GLYATL1: variants seen among roughly 807,000 people sequenced by gnomAD.
GLYATL1 encodes glycine N-acyltransferase-like protein 1.
A neutral mutation model predicts 20.0 loss-of-function variants in GLYATL1; 15 were observed. That is an observed-to-expected ratio of 0.75 (90% CI 0.50 to 1.15). GLYATL1 has a LOEUF of 1.15. GLYATL1 is among the 50% of genes most tolerant of loss of function. The pLI is 0.00. For synonymous variants in GLYATL1, 151 were observed against 131.5 expected (o/e 1.15, Z -1.01); for missense variants, 380 against 368.5 (o/e 1.03, Z -0.26).
At chr11:58,915,590 C>G (rs973204671) in intron 1 of GLYATL1, among the ~76,000 whole-genome samples, 1 of 152,204 alleles carries the variant, frequency 6.6e-6, no homozygotes, top group African/African-American at 2.4e-5. Context: ...AATCTGAAGA[C>G]TCACCTCAGA....
chr11:58,955,606 A>G lies in GLYATL1; in HGVS notation c.492-4A>G, dbSNP rs199698079. On this transcript the variant is annotated splice_polypyrimidine_tract_variant and splice_region_variant and intron_variant, in intron 6 of 6. Transcript: ENST00000532726. ...GTTGTTGTCTTTCTTTTTGTTGTCT[A>G]CAGTGAAACTCCCAACTTTAAGTAT... The G allele has an allele frequency of 3.7e-6, 6 of 1,612,314 alleles. No homozygotes were observed. In the East Asian group the frequency reaches 1.3e-4, roughly 36 times the overall value.
exon 2 of GLYATL1, chr11:58,907,324 CT>C: frequency 2.2e-6 from 1 of 456,296 alleles, no homozygotes; most frequent in South Asian, 1.5e-5. Context: ...TTCCAATTGT[CT>C]TTGTCTTGCT....
At chr11:58,947,717 C>T in intron 3 of GLYATL1, 141 bp from the exon 4 acceptor site, 2 of 652,234 alleles carry the variant, frequency 3.1e-6, no homozygotes, top group South Asian at 1.7e-5. Context: ...TGGTCCTCTC[C>T]AGGACCATAC....
chr11:58,911,515 A>G (rs1378622224), downstream of GLYATL1, among the ~76,000 whole-genome samples: 1 of 152,214 alleles, frequency 6.6e-6, no homozygotes, highest in Non-Finnish European at 1.5e-5. Flanking sequence ...TTTCATTCTC[A>G]TAGGTATGTA....
Position 58,905,600 on chromosome 11 carries a change from T to G in GLYATL1, n.177T>G, listed in dbSNP as rs1426972698. On this transcript the variant is annotated non_coding_transcript_exon_variant, in exon 1 of 2. Transcript: ENST00000524629. ...CGCGCAACCCCTCCTTGGCTTCCAC[T>G]GGGAGACAGGGGACGCCGATGAGCA... The G allele has an allele frequency of 8.8e-6, 4 of 456,226 alleles. No individual in the cohort carries two copies. In the Admixed American group the frequency reaches 9.4e-5, roughly 11 times the overall value. The allele number at this position is 456,226 out of a possible 1,614,324, so 28.3% of individuals were successfully genotyped here.
upstream of GLYATL1, among the ~76,000 whole-genome samples, chr11:58,937,986 G>T (rs933355633): frequency 2.0e-5 from 3 of 152,190 alleles, no homozygotes; most frequent in Non-Finnish European, 2.9e-5. Flanking sequence ...GGGTTCAAAG[G>T]TGGCCAAATC....
chr11:58,955,165 T>G lies in GLYATL1; in HGVS notation c.314-11T>G. 1 of 1,610,396 alleles carries G rather than the reference T, an allele frequency of 6.2e-7. No individual in the cohort carries two copies. The highest frequency in any genetic ancestry group is 1.7e-4 in the Middle Eastern group (1 of 6,040). ...TGTCTGACAAGATTGCTTTCTTGGC[T>G]TTCTTCCCAGGTCTTCAAGAAAGTT... On this transcript the variant is annotated splice_polypyrimidine_tract_variant and intron_variant, in intron 5 of 6. Coordinates refer to ENST00000532726, the MANE Select transcript of GLYATL1 (RefSeq NM_001389712.2).
intron 1 of GLYATL1, chr11:58,916,976 A>T (rs765034753): frequency 6.6e-6 from 1 of 152,224 alleles, no homozygotes; most frequent in Non-Finnish European, 1.5e-5. Flanking sequence ...GCCCACAAGC[A>T]GTTTGATTGG....
At chr11:58,938,524 G>A (rs1192915359), upstream of GLYATL1, among the ~76,000 whole-genome samples, 1 of 152,194 alleles carries the variant, frequency 6.6e-6, no homozygotes, top group Non-Finnish European at 1.5e-5. Context: ...TGCCACGAGT[G>A]TTTCATGAAG....
At chr11:58,905,951 G>C (rs568144594) in intron 1 of GLYATL1, among the ~76,000 whole-genome samples, 1 of 152,354 alleles carries the variant, frequency 6.6e-6, no homozygotes, top group South Asian at 2.1e-4. Flanking sequence ...CCATTGGCCA[G>C]CGAGAGTGTC....
rs137962604 is a variant in GLYATL1 at position 58,955,959 on chromosome 11, G to C, written c.841G>C (p.Gly281Arg). ...CTCCCGCAGATTTGTGGGGCAGTTT[G>C]GTTTCTTTGAGGCCTCCTGTGAGTG... Reference protein sequence around the residue: ...EDSRRFVGQFGFFEASCEWHQ... With the variant: ...EDSRRFVGQFRFFEASCEWHQ... The change falls in exon 7 of 7, where the codon GGT becomes CGT. Residue 281 changes from glycine to arginine, a missense_variant. Coordinates refer to ENST00000532726, the MANE Select transcript of GLYATL1 (RefSeq NM_001389712.2). 15 of 1,614,024 alleles carry C rather than the reference G, an allele frequency of 9.3e-6. No homozygotes were observed. In the African/African-American group the frequency reaches 2.0e-4, roughly 22 times the overall value.
At chr11:58,944,633 C>T (rs1856435102) in intron 2 of GLYATL1, among the ~76,000 whole-genome samples, 2 of 152,002 alleles carry the variant, frequency 1.3e-5, no homozygotes, top group South Asian at 4.1e-4. Flanking sequence ...CCCTTCAAGT[C>T]CTTGTCCACA....
chr11:58,920,006 T>C (rs529200210), intron 1 of GLYATL1, among the ~76,000 whole-genome samples: 14 of 152,212 alleles, frequency 9.2e-5, no homozygotes, highest in Non-Finnish European at 1.9e-4. Flanking sequence ...AACCAGGCCC[T>C]TTCATTTGAA....
At chr11:58,932,110 C>CAAAAA (rs5792141) in intron 1 of GLYATL1, among the ~76,000 whole-genome samples, 4,933 of 61,390 alleles carry the variant, frequency 0.08, 482 homozygotes, top group East Asian at 0.22. Context: ...GACCCCTTCT[C>CAAAAA]AAAAAAAAAA....
At chr11:58,943,815 G>C in intron 2 of GLYATL1, 149 bp downstream of exon 2, 1 of 1,240,932 alleles carries the variant, frequency 8.1e-7, no homozygotes, top group South Asian at 1.7e-5. Context: ...GGAATTAACT[G>C]GCCTGGATCC....
intron 4 of GLYATL1, among the ~76,000 whole-genome samples, chr11:58,951,629 T>G (rs1336195301): frequency 6.6e-6 from 1 of 152,152 alleles, no homozygotes; most frequent in African/African-American, 2.4e-5. Context: ...CTAAATTTTT[T>G]CATCAAGAAA....
chr11:58,934,437 C>T (rs1855738185), intron 1 of GLYATL1: 1 of 152,276 alleles, frequency 6.6e-6, no homozygotes, highest in African/African-American at 2.4e-5. Flanking sequence ...AGTTTGAGAC[C>T]ATAGGTGCTA....
intron 1 of GLYATL1, among the ~76,000 whole-genome samples, chr11:58,921,774 T>A (rs890196920): frequency 2.6e-5 from 4 of 152,192 alleles, no homozygotes; most frequent in Non-Finnish European, 5.9e-5. Context: ...TCTCAGTTAA[T>A]GTACACCTTG....
At chr11:58,946,035 G>C (rs1368376527) in intron 2 of GLYATL1, among the ~76,000 whole-genome samples, 1 of 152,118 alleles carries the variant, frequency 6.6e-6, no homozygotes, top group Non-Finnish European at 1.5e-5. Context: ...TAACTGATTT[G>C]CAAATGATTG....
Sources: allele counts gnomAD v4.1 joint callset (sites outside exome capture counted in the v4.1 genomes callset), GRCh38; gene constraint gnomAD v4.1.1; transcripts MANE v1.5; gene names NCBI Gene and HGNC (gene_info 2026-07-23, HGNC 2026-07-21).